Variants in NRG1 observed in about 807,000 individuals in gnomAD.
NRG1 encodes pro-neuregulin-1, membrane-bound isoform.
In NRG1, 18 loss-of-function variants were observed where a neutral mutation model predicts 63.8. The observed-to-expected ratio is 0.28, with a 90% CI of 0.19 to 0.42. The LOEUF (loss-of-function observed/expected upper bound fraction) is 0.42. Ranked by LOEUF, NRG1 falls within the 10% of genes least tolerant of loss-of-function variation. The pLI is 1.00. For synonymous variants in NRG1, 302 were observed against 301.3 expected (o/e 1.00, Z -0.02); for missense variants, 762 against 814.7 (o/e 0.94, Z 0.79).
At chr8:32,390,654 A>G (rs1464686009) in intron 1 of NRG1, among the ~76,000 whole-genome samples, 1 of 151,354 alleles carries the variant, frequency 6.6e-6, no homozygotes, top group Non-Finnish European at 1.5e-5. Flanking sequence ...TTTCCCTGAT[A>G]TATTTAGGTT....
intron 1 of NRG1, among the ~76,000 whole-genome samples, chr8:32,415,320 A>C (rs985034015): frequency 1.1e-4 from 17 of 148,360 alleles, no homozygotes; most frequent in Non-Finnish European, 1.8e-4. Flanking sequence ...AGGCAGGAGA[A>C]TTGCTTGAAC....
chr8:32,324,891 A>T (rs1035375197), intron 1 of NRG1, among the ~76,000 whole-genome samples: 2 of 152,184 alleles, frequency 1.3e-5, no homozygotes, highest in Non-Finnish European at 2.9e-5. Flanking sequence ...CCCTTGAGAA[A>T]TCTACATAAA....
At chr8:32,652,696 A>G (rs1272926058) in intron 5 of NRG1, among the ~76,000 whole-genome samples, 1 of 152,152 alleles carries the variant, frequency 6.6e-6, no homozygotes, top group Non-Finnish European at 1.5e-5. Context: ...CCAATATACC[A>G]GTTTCTTAAT....
intron 1 of NRG1, among the ~76,000 whole-genome samples, chr8:32,291,620 C>A (rs567665584): frequency 1.4e-5 from 2 of 143,932 alleles, no homozygotes; most frequent in African/African-American, 5.1e-5. Context: ...CTCACTGCAA[C>A]CTCCACCTCC....
intron 1 of NRG1, among the ~76,000 whole-genome samples, chr8:32,235,409 G>C (rs1022022489): frequency 2.0e-5 from 3 of 151,942 alleles, no homozygotes; most frequent in African/African-American, 7.2e-5. Context: ...ATGAAAAACA[G>C]CTGTATGGTT....
At chr8:31,639,677 C>CG in intron 1 of NRG1, 2 of 1,391,032 alleles carry the variant, frequency 1.4e-6, no homozygotes, top group Non-Finnish European at 1.9e-6. Context: ...GGCGGCGGCG[C>CG]GGGGGGTGGG....
intron 1 of NRG1, among the ~76,000 whole-genome samples, chr8:31,904,086 C>T (rs1832321275): frequency 6.6e-6 from 1 of 152,140 alleles, no homozygotes; most frequent in Non-Finnish European, 1.5e-5. Context: ...TAAAAAATCA[C>T]ACGTAGCTCC....
chr8:31,826,739 G>A (rs1290669596), intron 1 of NRG1, among the ~76,000 whole-genome samples: 1 of 152,184 alleles, frequency 6.6e-6, no homozygotes, highest in Non-Finnish European at 1.5e-5. Context: ...GAATATAAGG[G>A]GCTTGCATCC....
chr8:32,030,527 C>T (rs1032465361), intron 1 of NRG1: 2 of 152,138 alleles, frequency 1.3e-5, no homozygotes, highest in African/African-American at 4.8e-5. Flanking sequence ...CAGCCTCTTT[C>T]ATATGTGAAA....
chr8:32,229,132 G>T (rs184161671), intron 1 of NRG1, among the ~76,000 whole-genome samples: 1 of 152,130 alleles, frequency 6.6e-6, no homozygotes, highest in Non-Finnish European at 1.5e-5. Flanking sequence ...TTAGTGCACC[G>T]GAAAGATGCA....
At chr8:31,838,987 C>A (rs1004689153) in intron 1 of NRG1, among the ~76,000 whole-genome samples, 37 of 152,054 alleles carry the variant, frequency 2.4e-4, no homozygotes, top group Non-Finnish European at 4.7e-4. Flanking sequence ...GTTGGAAAAA[C>A]AGACTTTTCC....
At chr8:32,695,027 A>C (rs1232195348) in intron 5 of NRG1, among the ~76,000 whole-genome samples, 2 of 152,118 alleles carry the variant, frequency 1.3e-5, no homozygotes, top group African/African-American at 4.8e-5. Flanking sequence ...CAATCTTGAG[A>C]TACTAAAATA....
chr8:31,933,333 T>G (rs1835020302), intron 1 of NRG1, among the ~76,000 whole-genome samples: 1 of 151,874 alleles, frequency 6.6e-6, no homozygotes, highest in Non-Finnish European at 1.5e-5. Context: ...TAAGTTGGAG[T>G]GCAGTGGCAC....
intron 1 of NRG1, among the ~76,000 whole-genome samples, chr8:32,202,177 G>A (rs774145477): frequency 2.0e-5 from 3 of 152,092 alleles, no homozygotes; most frequent in Non-Finnish European, 4.4e-5. Flanking sequence ...ATCTTTGCCT[G>A]TCTTTCCACT....
chr8:31,963,218 A>G (rs991968432), intron 1 of NRG1, among the ~76,000 whole-genome samples: 4 of 152,246 alleles, frequency 2.6e-5, no homozygotes, highest in African/African-American at 9.6e-5. Flanking sequence ...CAATAGGGCT[A>G]ATTAGCAGAC....
Position 32,212,628 on chromosome 8 carries a change from G to A in NRG1, c.38-383200G>A, listed in dbSNP as rs562399398. Among the ~76,000 whole-genome samples the A allele has an allele frequency of 2.6e-5, 4 of 152,154 alleles. No homozygotes were observed. The South Asian group carries it at 8.3e-4, about 32-fold the overall frequency. ...CAGATTTTATTTAAGAACTCATATG[G>A]ACTAGATTATGAATTTTATGAGATG... On this transcript the variant is annotated intron_variant, in intron 1 of 10. Transcript: ENST00000519301.
chr8:31,957,954 G>A (rs900221323), intron 1 of NRG1, among the ~76,000 whole-genome samples: 26 of 152,180 alleles, frequency 1.7e-4, no homozygotes, highest in African/African-American at 4.1e-4. Context: ...TTTAGTTGAA[G>A]GGAACTGCCT....
intron 1 of NRG1, among the ~76,000 whole-genome samples, chr8:32,023,848 C>T (rs1177704424): frequency 6.6e-6 from 1 of 152,136 alleles, no homozygotes; most frequent in Non-Finnish European, 1.5e-5. Context: ...GTAACTCTCC[C>T]TAAAAGAACA....
chr8:32,090,889 CATT>C (rs941136791), intron 1 of NRG1, among the ~76,000 whole-genome samples: 11 of 152,174 alleles, frequency 7.2e-5, no homozygotes, highest in Non-Finnish European at 1.3e-4. Flanking sequence ...CCATCATCAT[CATT>C]ATGACCAAAA....
Sources: gnomAD v4.1 joint callset for allele counts (sites outside exome capture counted in the v4.1 genomes callset) on GRCh38, gnomAD v4.1.1 for gene constraint, MANE v1.5 for transcripts, NCBI Gene and HGNC (gene_info 2026-07-23, HGNC 2026-07-21) for gene names.